Variants in PCDHGA7 observed in about 807,000 individuals in gnomAD.
PCDHGA7 encodes the protein protocadherin gamma subfamily A, 7.
PCDHGA7 carries 44 observed loss-of-function variants against 58.3 expected under a neutral mutation model. The observed-to-expected ratio is 0.75, with a 90% confidence interval of 0.59 to 0.97. PCDHGA7 has a LOEUF of 0.97. PCDHGA7 is among the 50% of genes least tolerant of loss of function. The probability of loss-of-function intolerance (pLI) is 0.00; values close to 1 mark genes in which losing one functional copy is unlikely to be tolerated. For synonymous variants in PCDHGA7, 516 were observed against 504.2 expected (o/e 1.02, Z -0.31); for missense variants, 1,266 against 1,188.7 (o/e 1.06, Z -0.96).
rs982627903 is a variant in PCDHGA7, at chr5:141,421,421, T to C, written c.2424+36098T>C. ...CCCCGGGAGCTGGCGAAGCGCGGAGTCCGCATCGTCTCCAGAGGGAAGACA... is the reference window on the plus strand; with the variant it reads ...CCCCGGGAGCTGGCGAAGCGCGGAGCCCGCATCGTCTCCAGAGGGAAGACA... On this transcript the variant is annotated intron_variant, in intron 1 of 3. Coordinates refer to ENST00000518325, the MANE Select transcript of PCDHGA7 (RefSeq NM_018920.4). The C allele has an allele frequency of 6.2e-7, 1 of 1,613,994 alleles. No individual in the cohort carries two copies. The highest frequency in any genetic ancestry group is 1.3e-5 in the African/African-American group (1 of 75,052).
chr5:141,465,343 T>A (rs1221229916), intron 1 of PCDHGA7, among the ~76,000 whole-genome samples: 1 of 152,118 alleles, frequency 6.6e-6, no homozygotes, highest in Non-Finnish European at 1.5e-5. Flanking sequence ...TATTGGTTAC[T>A]GAAGAAAAAA....
At chr5:141,414,457 G>C in intron 1 of PCDHGA7, 2 of 1,613,872 alleles carry the variant, frequency 1.2e-6, no homozygotes, top group Non-Finnish European at 1.7e-6. Flanking sequence ...CACAGTGACA[G>C]CCACAGATGG....
At chr5:141,445,070 A>G (rs185808898) in intron 1 of PCDHGA7, among the ~76,000 whole-genome samples, 30 of 152,306 alleles carry the variant, frequency 2.0e-4, no homozygotes, top group African/African-American at 7.2e-4. Context: ...TATATTTCTC[A>G]TTAAATTGTC....
At chr5:141,508,983 C>T (rs532410967) in intron 3 of PCDHGA7, among the ~76,000 whole-genome samples, 44 of 152,148 alleles carry the variant, frequency 2.9e-4, no homozygotes, top group Non-Finnish European at 4.4e-4. Flanking sequence ...GGGGTGGGGG[C>T]CAGCTGGGGT....
intron 1 of PCDHGA7, among the ~76,000 whole-genome samples, chr5:141,435,651 C>T (rs762264332): frequency 1.4e-4 from 22 of 152,044 alleles, no homozygotes; most frequent in Non-Finnish European, 2.9e-4. Flanking sequence ...ATTTCTGAAA[C>T]GTGCACAGAT....
rs1168771567 is a variant in PCDHGA7 at position 141,398,057 on chromosome 5, A to T, written c.2424+12734A>T. On this transcript the variant is annotated intron_variant, in intron 1 of 3. Coordinates refer to ENST00000518325, the MANE Select transcript of PCDHGA7 (RefSeq NM_018920.4). ...CTAAAGCCCGTTCGGAGATCCAAAAATCTACAATACAGAGGTTATTTGTAA... is the reference window on the plus strand; with the variant it reads ...CTAAAGCCCGTTCGGAGATCCAAAATTCTACAATACAGAGGTTATTTGTAA... 9 of 1,524,504 alleles carry T rather than the reference A, an allele frequency of 5.9e-6. No individual in the cohort carries two copies. In the South Asian group the frequency reaches 1.1e-4, roughly 19 times the overall value. 94.4% of individuals were successfully genotyped at this position (1,524,504 alleles called of 1,614,324 possible). A position where few individuals can be genotyped will look rare whatever the true frequency, so the allele number is the denominator to read the frequency against.
rs2099692694 is a variant in PCDHGA7, at chr5:141,489,817, GAGCTGGTGCTAGAGCAGC to G, written c.2425-4983_2425-4966del. On this transcript the variant is annotated intron_variant, in intron 1 of 3. Transcript: ENST00000518325. This position sits in a 1 kb window ranked among gnomAD's most constrained non-coding sequence, Gnocchi z 4.5. ...CCTAAAAGATGGGAAGCCATTCCCA[GAGCTGGTGCTAGAGCAGC>G]AGCTGGATCGTGAAGCCCAGGCAAG... 6 of 1,613,992 alleles carry G rather than the reference GAGCTGGTGCTAGAGCAGC, an allele frequency of 3.7e-6. No individual in the cohort carries two copies. Among genetic ancestry groups the G allele is most frequent in the Non-Finnish European group, 5.1e-6 (6 of 1,179,944 alleles).
chr5:141,446,408 C>A (rs1211716327), intron 1 of PCDHGA7, among the ~76,000 whole-genome samples: 1 of 151,898 alleles, frequency 6.6e-6, no homozygotes, highest in African/African-American at 2.4e-5. Flanking sequence ...GAGTTGAGTT[C>A]CAGCCATGTT....
At chr5:141,427,100 T>G (rs1270371842) in intron 1 of PCDHGA7, 1 of 458,010 alleles carries the variant, frequency 2.2e-6, no homozygotes, top group Non-Finnish European at 4.4e-6. Flanking sequence ...AGGGTGTCAA[T>G]GCGGAGATCA....
intron 1 of PCDHGA7, among the ~76,000 whole-genome samples, chr5:141,461,604 T>G (rs1166575574): frequency 6.6e-6 from 1 of 152,228 alleles, no homozygotes; most frequent in Non-Finnish European, 1.5e-5. Context: ...TATAATTTAG[T>G]TCAAAGTATT....
At chr5:141,418,405 G>T in intron 1 of PCDHGA7, 1 of 1,614,020 alleles carries the variant, frequency 6.2e-7, no homozygotes, top group African/African-American at 1.3e-5. Context: ...CATTGGTGGA[G>T]AAAGACAATC....
At position 141,487,688 on chromosome 5, in the gene PCDHGA7, G is replaced by A. The variant is rs376927186; in HGVS notation, c.2425-7119G>A. On this transcript the variant is annotated intron_variant, in intron 1 of 3. Coordinates refer to ENST00000518325, the MANE Select transcript of PCDHGA7 (RefSeq NM_018920.4). The surrounding 1 kb of genome is among the most constrained non-coding windows in gnomAD (Gnocchi z 5.0). ...AGGCATATGGCTAGGCCATGTCCTA[G>A]AGAGTACTGGCCTCTCAGTAAGTGC... 6.2e-7 allele frequency: 1 copy of A among 1,604,966 alleles called. No homozygotes were observed.
intron 1 of PCDHGA7, among the ~76,000 whole-genome samples, chr5:141,446,747 G>T (rs997132200): frequency 3.9e-5 from 6 of 152,190 alleles, no homozygotes; most frequent in Non-Finnish European, 8.8e-5. Context: ...GATTACAGGC[G>T]TGAGCCACCG....
At chr5:141,413,199 A>T in intron 1 of PCDHGA7, 1 of 1,611,930 alleles carries the variant, frequency 6.2e-7, no homozygotes, top group Non-Finnish European at 8.5e-7. Flanking sequence ...GGAATCGCTC[A>T]AAGGAATCAA....
Position 141,432,224 on chromosome 5 carries a change from T to C in PCDHGA7, c.2424+46901T>C. On this transcript the variant is annotated intron_variant, in intron 1 of 3. Transcript: ENST00000518325. The surrounding 1 kb of genome is among the most constrained non-coding windows in gnomAD (Gnocchi z 6.0). The stretch of plus-strand genomic sequence containing the variant: ...CTGTGAAGAGAACGCCCAGATCACT[T>C]ATTCCCTGGCTGAGAACACCATCCA... 6.2e-7 allele frequency: 1 copy of C among 1,614,138 alleles called. No homozygotes were observed. Among genetic ancestry groups the C allele is most frequent in the Non-Finnish European group, 8.5e-7 (1 of 1,180,024 alleles).
In PCDHGA7 at chr5:141,384,968, C is replaced by T. The variant is rs1345751127; in HGVS notation, c.2069C>T (p.Thr690Met). 1.2e-6 allele frequency: 2 copies of T among 1,613,962 alleles called. No individual in the cohort carries two copies. The highest frequency in any genetic ancestry group is 2.2e-5 in the East Asian group (1 of 44,878). The stretch of plus-strand genomic sequence containing the variant: ...GACGGTCCTTACAACTATGACCTCA[C>T]GTTGTACCTGGTGGTGGCGGTGGCC... ...PSDGPYNYDL[T>M]LYLVVAVATV... Residue 690 changes from threonine to methionine, a missense_variant, in exon 1 of 4, where the codon ACG (threonine) becomes ATG (methionine). By Grantham distance (81) the Thr-to-Met change is moderately conservative. Transcript: ENST00000518325.
intron 1 of PCDHGA7, among the ~76,000 whole-genome samples, chr5:141,472,590 C>T (rs1161871973): frequency 6.6e-6 from 1 of 151,908 alleles, no homozygotes; most frequent in Non-Finnish European, 1.5e-5. Flanking sequence ...GTCAGAAGCT[C>T]TCTTGAAATT....
At chr5:141,418,233 A>T in intron 1 of PCDHGA7, 1 of 1,614,048 alleles carries the variant, frequency 6.2e-7, no homozygotes, top group Non-Finnish European at 8.5e-7. Flanking sequence ...GTGATTGAGG[A>T]TGTTAATGAC....
intron 1 of PCDHGA7, among the ~76,000 whole-genome samples, chr5:141,439,259 G>A (rs1172204848): frequency 6.6e-6 from 1 of 151,900 alleles, no homozygotes; most frequent in African/African-American, 2.4e-5. Context: ...TGAAGATTCA[G>A]CCAACAGTTC....
Sources: allele counts gnomAD v4.1 joint callset (sites outside exome capture counted in the v4.1 genomes callset), GRCh38; gene constraint gnomAD v4.1.1; non-coding constraint Gnocchi (gnomAD v3.1); transcripts MANE v1.5; gene names NCBI Gene and HGNC (gene_info 2026-07-23, HGNC 2026-07-21).